The following INSC variants were observed in gnomAD, a reference collection of about 807,000 sequenced individuals.
INSC encodes INSC spindle orientation adaptor protein, also known as protein inscuteable homolog.
INSC carries 67 observed loss-of-function variants against 58.6 expected under a neutral mutation model. The ratio of observed to expected loss-of-function variants is 1.14; its 90% CI spans 0.94 to 1.40. The LOEUF is 1.40. Ranked by LOEUF, INSC falls within the 40% of genes most tolerant of loss-of-function variation. The probability of loss-of-function intolerance (pLI) is 0.00; values close to 1 mark genes in which losing one functional copy is unlikely to be tolerated. For missense variants in INSC, 714 were observed against 692.0 expected (o/e 1.03, Z -0.36); for synonymous variants, 262 against 276.1 (o/e 0.95, Z 0.51).
intron 1 of INSC, among the ~76,000 whole-genome samples, chr11:15,147,083 A>G (rs951831290): frequency 6.6e-6 from 1 of 152,226 alleles, no homozygotes; most frequent in Non-Finnish European, 1.5e-5. Context: ...ATGTTGAAGT[A>G]AAACAAAATC....
At chr11:15,190,225 G>T (rs1054573203) in intron 5 of INSC, among the ~76,000 whole-genome samples, 2 of 152,198 alleles carry the variant, frequency 1.3e-5, no homozygotes, top group Non-Finnish European at 2.9e-5. Context: ...CACTTCTCTT[G>T]ACTTAACCCT....
At chr11:15,229,547 A>G (rs933897170) in intron 9 of INSC, among the ~76,000 whole-genome samples, 1 of 152,078 alleles carries the variant, frequency 6.6e-6, no homozygotes, top group African/African-American at 2.4e-5. Context: ...CATCTGTGTA[A>G]TGGGGATAAT....
chr11:15,180,324 CTG>C (rs1849725380), intron 5 of INSC, among the ~76,000 whole-genome samples: 1 of 151,958 alleles, frequency 6.6e-6, no homozygotes, highest in Non-Finnish European at 1.5e-5. Context: ...AGGTGTTAAA[CTG>C]TGAGTGAAAG....
intron 7 of INSC, among the ~76,000 whole-genome samples, chr11:15,220,645 T>A (rs1851401798): frequency 6.6e-6 from 1 of 152,214 alleles, no homozygotes; most frequent in Non-Finnish European, 1.5e-5. Context: ...AAAATGGGAA[T>A]AATAATACTG....
chr11:15,215,595 G>T (rs898548441), intron 7 of INSC, among the ~76,000 whole-genome samples: 1 of 152,212 alleles, frequency 6.6e-6, no homozygotes, highest in Non-Finnish European at 1.5e-5. Flanking sequence ...TCCTCCCTGG[G>T]CCTCCATTTC....
the INSC span, among the ~76,000 whole-genome samples, chr11:15,268,248 GT>G: frequency 6.6e-6 from 1 of 152,002 alleles, no homozygotes; most frequent in Non-Finnish European, 1.5e-5. Context: ...TCTAGTCCCT[GT>G]TACTACATCT....
At chr11:15,143,904 A>G (rs1321414781) in intron 1 of INSC, among the ~76,000 whole-genome samples, 1 of 152,206 alleles carries the variant, frequency 6.6e-6, no homozygotes, top group Admixed American at 6.5e-5. Context: ...ATGTAGTCCC[A>G]TTTTAAGGTG....
At chr11:15,187,639 T>A (rs916106647) in intron 5 of INSC, among the ~76,000 whole-genome samples, 2 of 152,220 alleles carry the variant, frequency 1.3e-5, no homozygotes, top group Non-Finnish European at 2.9e-5. Context: ...TAATTCCTTA[T>A]CCAGAGAAGT....
At chr11:15,116,671 C>G (rs1419211519) in intron 1 of INSC, among the ~76,000 whole-genome samples, 2 of 152,116 alleles carry the variant, frequency 1.3e-5, no homozygotes, top group Non-Finnish European at 2.9e-5. Context: ...GCTCTTTCAG[C>G]TGGGAAGTTA....
chr11:15,200,066 G>A (rs1423199361), intron 6 of INSC, among the ~76,000 whole-genome samples: 1 of 151,782 alleles, frequency 6.6e-6, no homozygotes. Flanking sequence ...TTACTGGAAA[G>A]AAGTTTCCAT....
chr11:15,269,276 C>T, the INSC span, among the ~76,000 whole-genome samples: 1 of 151,932 alleles, frequency 6.6e-6, no homozygotes, highest in Non-Finnish European at 1.5e-5. Context: ...ATTAAAGTAG[C>T]CTATTAAATA....
At position 15,236,373 on chromosome 11, in the gene INSC, A is replaced by T. The variant is rs1016627701; in HGVS notation, c.1237+705A>T. ...TCATTATGATCCTCAAATAAAAAAA[A>T]TCTATTCCTACCAAGGGATACATTC... On this transcript the variant is annotated intron_variant, in intron 10 of 12. Coordinates refer to ENST00000379556, the MANE Select transcript of INSC (RefSeq NM_001042536.3). 3.3e-5 allele frequency among the ~76,000 whole-genome samples: 5 copies of T among 151,022 alleles called. No homozygotes were observed. The East Asian group carries it at 9.6e-4, about 29-fold the overall frequency.
At chr11:15,212,471 C>A (rs967196637) in intron 7 of INSC, among the ~76,000 whole-genome samples, 2 of 152,222 alleles carry the variant, frequency 1.3e-5, no homozygotes, top group Admixed American at 1.3e-4. Context: ...ACATCTTAAA[C>A]AATGTGTAAT....
At chr11:15,149,732 G>A (rs894472922) in intron 2 of INSC, among the ~76,000 whole-genome samples, 2 of 152,192 alleles carry the variant, frequency 1.3e-5, no homozygotes, top group Non-Finnish European at 2.9e-5. Context: ...AGAACATCCT[G>A]TCTGAAGAAG....
intron 10 of INSC, among the ~76,000 whole-genome samples, chr11:15,236,971 C>T (rs912215039): frequency 2.6e-5 from 4 of 152,166 alleles, no homozygotes; most frequent in East Asian, 1.9e-4. Context: ...TCCGTTCTTT[C>T]GGTACTTATA....
chr11:15,260,756 A>T, the INSC span, among the ~76,000 whole-genome samples: 1 of 152,212 alleles, frequency 6.6e-6, no homozygotes, highest in African/African-American at 2.4e-5. Flanking sequence ...AGACATGCAC[A>T]TCTAGTCCTG....
chr11:15,157,999 C>T (rs1478562317), intron 2 of INSC, among the ~76,000 whole-genome samples: 1 of 152,146 alleles, frequency 6.6e-6, no homozygotes, highest in Non-Finnish European at 1.5e-5. Flanking sequence ...TCAGGAGAAA[C>T]CAGGGGAGTC....
intron 1 of INSC, among the ~76,000 whole-genome samples, chr11:15,132,338 T>C (rs1848144120): frequency 6.6e-6 from 1 of 152,124 alleles, no homozygotes; most frequent in South Asian, 2.1e-4. Flanking sequence ...CAAGCTGGGG[T>C]ACAGTGGGGC....
the INSC span, among the ~76,000 whole-genome samples, chr11:15,265,174 G>C: frequency 6.6e-6 from 1 of 152,114 alleles, no homozygotes; most frequent in African/African-American, 2.4e-5. Flanking sequence ...ATGTTTAATT[G>C]AGTGGAATAA....
Sources: allele counts gnomAD v4.1 joint callset (sites outside exome capture counted in the v4.1 genomes callset), GRCh38; gene constraint gnomAD v4.1.1; transcripts MANE v1.5; gene names NCBI Gene and HGNC (gene_info 2026-07-23, HGNC 2026-07-21).